The following TNNT2 variants were observed in gnomAD, a reference collection of about 807,000 sequenced individuals.
The protein encoded by TNNT2 is troponin T, cardiac muscle.
In TNNT2, 34 loss-of-function variants were observed where a neutral mutation model predicts 62.4. The ratio of observed to expected loss-of-function variants is 0.54; its 90% CI spans 0.41 to 0.72. TNNT2 has a LOEUF of 0.72. TNNT2 is among the 30% of genes least tolerant of loss of function. The probability of loss-of-function intolerance (pLI) is 0.00; values close to 1 mark genes in which losing one functional copy is unlikely to be tolerated. For synonymous variants in TNNT2, 123 were observed against 127.2 expected, an observed-to-expected ratio of 0.97 and a Z score of 0.22; for missense variants, 275 against 381.9, an observed-to-expected ratio of 0.72 and a Z score of 2.33.
At chr1:201,363,908 T>C (rs537184358) in intron 11 of TNNT2, 27 of 203,014 alleles carry the variant, frequency 1.3e-4, no homozygotes, top group African/African-American at 5.6e-4. Context: ...TTTTTTTGAG[T>C]TGGAGTTTCA....
intron 8 of TNNT2, chr1:201,366,502 T>C (rs2102271553): frequency 8.3e-7 from 1 of 1,207,416 alleles, no homozygotes; most frequent in South Asian, 2.0e-5. Flanking sequence ...TTGCTTCCCT[T>C]AATCCCAAGG....
chr1:201,363,493 T>A, intron 11 of TNNT2, 87 bp from the exon 12 acceptor site: 1 of 1,260,718 alleles, frequency 7.9e-7, no homozygotes, highest in Non-Finnish European at 1.2e-6. Flanking sequence ...TCTTTATGGG[T>A]GAGTTCAGCT....
At chr1:201,362,493 T>C (rs897526841) in intron 12 of TNNT2, 99 bp from the exon 13 acceptor site, 1 of 1,465,028 alleles carries the variant, frequency 6.8e-7, no homozygotes. Flanking sequence ...AGGAGAGACA[T>C]GGAAGAGAAG....
In TNNT2 at chr1:201,359,295, C is replaced by T. The variant is rs1372654195; in HGVS notation, c.852-40G>A. On this transcript the variant is annotated intron_variant, in intron 16 of 16. Transcript: ENST00000656932. ...GGACGCAGTGACATGGAGACACAGG[C>T]AGGGTAGTAGGTCACCATGCGGCTG... 2.5e-6 allele frequency: 4 copies of T among 1,602,960 alleles called. No individual in the cohort carries two copies. In the Admixed American group the frequency reaches 6.9e-5, roughly 28 times the overall value.
rs1044313920 is a variant in TNNT2 at position 201,364,346 on chromosome 1, C to T, written c.441G>A (p.Gln147=). 1 of 1,613,310 alleles carries T rather than the reference C, an allele frequency of 6.2e-7. No homozygotes were observed. The highest frequency in any genetic ancestry group is 8.5e-7 in the Non-Finnish European group (1 of 1,180,002). Residue 147 remains glutamine (Q), a synonymous_variant, in exon 11 of 17, where the codon CAG becomes CAA. Transcript: ENST00000656932. ...TCTCCCGCTCATTCCGGATGCGCTG[C>T]TGCTCGGCCCGCTCTGCCCGACGTC... ...IERRRAERAE[Q]QRIRNEREKE... is the part of the protein sequence containing the mutation.
chr1:201,375,195 GC>G, intron 1 of TNNT2: 1 of 152,480 alleles, frequency 6.6e-6, no homozygotes, highest in Non-Finnish European at 1.5e-5. Flanking sequence ...CAGAGGCTGA[GC>G]CATTCCAAGG....
In TNNT2 at chr1:201,359,176, C is replaced by A; in HGVS notation, c.*34G>T. ...AGTGCAGGCCGGAGGCAGGTGCGAG[C>A]GAGGAGCAGATCTTTGGTGAAGGAG... On this transcript the variant is annotated 3_prime_UTR_variant, in exon 17 of 17. Coordinates refer to ENST00000656932, the MANE Select transcript of TNNT2 (RefSeq NM_001276345.2). 6.3e-7 allele frequency: 1 copy of A among 1,599,992 alleles called. No individual in the cohort carries two copies. The highest frequency in any genetic ancestry group is 8.5e-7 in the Non-Finnish European group (1 of 1,174,328).
chr1:201,375,727 C>A (rs1661302790), intron 1 of TNNT2, among the ~76,000 whole-genome samples: 1 of 152,184 alleles, frequency 6.6e-6, no homozygotes, highest in African/African-American at 2.4e-5. Flanking sequence ...AGAAGCTTGT[C>A]CCTCAGTGGG....
rs566114789 is a variant in TNNT2, at chr1:201,372,449, C to T, written c.42-294G>A. On this transcript the variant is annotated intron_variant, in intron 2 of 16. Transcript: ENST00000656932. ...CTTTCCATCTTTGCCCAAGCTGTAC[C>T]CCTTTCTAGAAAGTCCTGCCCTCTC... 1.6e-4 allele frequency among the ~76,000 whole-genome samples: 24 copies of T among 152,254 alleles called. No individual in the cohort carries two copies. In the South Asian group the frequency reaches 4.4e-3, roughly 28 times the overall value.
Position 201,371,875 on chromosome 1 carries a change from T to C in TNNT2, c.67+152A>G, listed in dbSNP as rs532068372. On this transcript the variant is annotated intron_variant, in intron 4 of 16. Transcript: ENST00000656932. ...AAGACCCGAGCAACCCAGGTAGGAC[T>C]GATTCCCATTTTAGAAGGCACTGTT... The C allele has an allele frequency of 1.3e-3, 1,315 of 1,028,294 alleles. 15 individuals are homozygous for C. Among genetic ancestry groups the C allele is most frequent in the South Asian group, 1.9e-3 (137 of 73,924 alleles). 63.7% of individuals were successfully genotyped at this position (1,028,294 alleles called of 1,614,324 possible). A position where few individuals can be genotyped will look rare whatever the true frequency, so the allele number is the denominator to read the frequency against.
chr1:201,365,054 G>A (rs898396967), intron 10 of TNNT2, 137 bp downstream of exon 10: 3 of 790,374 alleles, frequency 3.8e-6, no homozygotes, highest in African/African-American at 3.4e-5. Context: ...ATGCTGGAGG[G>A]CCTCTGAAGG....
chr1:201,361,038 C>T, intron 15 of TNNT2: 1 of 581,202 alleles, frequency 1.7e-6, no homozygotes, highest in Non-Finnish European at 3.1e-6. Context: ...AGGGTTGGAA[C>T]ACCAGGAAAG....
chr1:201,372,107 T>A, intron 3 of TNNT2, 38 bp downstream of exon 3: 2 of 1,614,164 alleles, frequency 1.2e-6, no homozygotes, highest in Non-Finnish European at 8.5e-7. Flanking sequence ...CGAACCAGGC[T>A]GTCTTTGATC....
At chr1:201,368,279 A>G in intron 5 of TNNT2, 52 bp from the exon 6 acceptor site, 1 of 1,589,940 alleles carries the variant, frequency 6.3e-7, no homozygotes, top group Non-Finnish European at 8.6e-7. Context: ...TCATGCTATC[A>G]GGCAGAACCC....
intron 5 of TNNT2, chr1:201,369,272 T>G: frequency 2.1e-6 from 1 of 472,232 alleles, no homozygotes; most frequent in African/African-American, 2.0e-5. Flanking sequence ...CTGGTCTCAC[T>G]CCCTTGCCTT....
intron 10 of TNNT2, 131 bp from the exon 11 acceptor site, chr1:201,364,506 C>G: frequency 1.0e-6 from 1 of 980,112 alleles, no homozygotes; most frequent in Non-Finnish European, 1.6e-6. Context: ...AGCAATGGTG[C>G]CCGGCCTCCA....
At position 201,366,447 on chromosome 1, in the gene TNNT2, G is replaced by A. The variant is rs571872116; in HGVS notation, c.233+391C>T. On this transcript the variant is annotated intron_variant, in intron 8 of 16. Transcript: ENST00000656932. The stretch of plus-strand genomic sequence containing the variant: ...TGCCCTCTCTCAGCTCTCTGAAGCC[G>A]CCATGCCTATGCTGGCACGGTTTCA... 88 of 1,126,322 alleles carry A rather than the reference G, an allele frequency of 7.8e-5. No homozygotes were observed. The East Asian group carries it at 2.5e-3, about 32-fold the overall frequency. 69.8% of individuals were successfully genotyped at this position (1,126,322 alleles called of 1,614,324 possible).
intron 1 of TNNT2, among the ~76,000 whole-genome samples, chr1:201,377,173 A>G (rs1260447444): frequency 1.3e-5 from 2 of 152,178 alleles, no homozygotes; most frequent in Admixed American, 1.3e-4. Flanking sequence ...CCTGGGACTC[A>G]AGAAGGACCT....
intron 1 of TNNT2, chr1:201,375,109 T>C (rs1481235394): frequency 6.6e-6 from 1 of 152,398 alleles, no homozygotes; most frequent in East Asian, 1.9e-4. Flanking sequence ...CCCCCCATAG[T>C]GGCTGAGACC....
Sources: gnomAD v4.1 joint callset for allele counts (sites outside exome capture counted in the v4.1 genomes callset) on GRCh38, gnomAD v4.1.1 for gene constraint, MANE v1.5 for transcripts, NCBI Gene and HGNC (gene_info 2026-07-23, HGNC 2026-07-21) for gene names.